Variants in CASZ1 observed in about 807,000 individuals in gnomAD.
The protein encoded by CASZ1 is castor zinc finger 1, also known as zinc finger protein castor homolog 1.
CASZ1 carries 28 observed loss-of-function variants against 135.2 expected under a neutral mutation model. The ratio of observed to expected loss-of-function variants is 0.21; its 90% CI spans 0.15 to 0.28. CASZ1 has a LOEUF of 0.28. Ranked by LOEUF, CASZ1 falls within the 10% of genes least tolerant of loss-of-function variation. The probability of loss-of-function intolerance (pLI) is 1.00; values close to 1 mark genes in which losing one functional copy is unlikely to be tolerated. For synonymous variants in CASZ1, 1,068 were observed against 1,073.4 expected (o/e 0.99, Z 0.10); for missense variants, 2,161 against 2,453.3 (o/e 0.88, Z 2.52).
rs1642661596 is a variant in CASZ1 at position 10,653,364 on chromosome 1, C to G, written c.2680+13G>C. 1 of 1,612,840 alleles carries G rather than the reference C, an allele frequency of 6.2e-7. No homozygotes were observed. Among genetic ancestry groups the G allele is most frequent in the Admixed American group, 1.7e-5 (1 of 59,996 alleles). On this transcript the variant is annotated intron_variant, in intron 11 of 20. Coordinates refer to ENST00000377022, the MANE Select transcript of CASZ1 (RefSeq NM_001079843.3). ...AAGGTGCCTGCTTTCTGGGCAGGAC[C>G]CAGCCTGCTCACCTGGGTCAAAGGT...
chr1:10,735,987 G>A lies in CASZ1; in HGVS notation c.-77+24714C>T, dbSNP rs1639790115. ...GCAGTTTGACCTCCTTAAGACAGGGGGAGAATGCAGAGCATTAAAGGCAGA... is the reference window on the plus strand; with the variant it reads ...GCAGTTTGACCTCCTTAAGACAGGGAGAGAATGCAGAGCATTAAAGGCAGA... On this transcript the variant is annotated intron_variant, in intron 2 of 20. Transcript: ENST00000377022. This position sits in a 1 kb window ranked among gnomAD's most constrained non-coding sequence, Gnocchi z 5.1. Among the ~76,000 whole-genome samples the A allele has an allele frequency of 6.6e-6, 1 of 152,182 alleles. No homozygotes were observed. Among genetic ancestry groups the A allele is most frequent in the African/African-American group, 2.4e-5 (1 of 41,442 alleles).
Position 10,776,096 on chromosome 1 carries a change from T to A in CASZ1, c.-233-15239A>T, listed in dbSNP as rs1383120599. ...CAGAGGCATAAATGAAAAGTCCAAT[T>A]TCTTCAAATTTGCATTGTAAAACCA... On this transcript the variant is annotated intron_variant, in intron 1 of 20. Transcript: ENST00000377022. The surrounding 1 kb of genome is among the most constrained non-coding windows in gnomAD (Gnocchi z 4.1). 6.6e-6 allele frequency among the ~76,000 whole-genome samples: 1 copy of A among 152,200 alleles called. No individual in the cohort carries two copies. The highest frequency in any genetic ancestry group is 6.5e-5 in the Admixed American group (1 of 15,286).
At chr1:10,737,938 C>A (rs1344186196) in intron 2 of CASZ1, among the ~76,000 whole-genome samples, 2 of 152,252 alleles carry the variant, frequency 1.3e-5, no homozygotes, top group Non-Finnish European at 2.9e-5. Flanking sequence ...ACAAGCTCAG[C>A]CCTGGTAGGG....
At position 10,697,593 on chromosome 1, in the gene CASZ1, C is replaced by T. The variant is rs1008141821; in HGVS notation, c.-23-3681G>A. Reference sequence around the variant, plus strand: ...ACTGCTATCGCTGGTTCCTGTTACCCCCCCCGCACCCCCAAGTTGCCCACC... The same window carrying T: ...ACTGCTATCGCTGGTTCCTGTTACCTCCCCCGCACCCCCAAGTTGCCCACC... On this transcript the variant is annotated intron_variant, in intron 3 of 20. Transcript: ENST00000377022. This position sits in a 1 kb window ranked among gnomAD's most constrained non-coding sequence, Gnocchi z 4.7. Among the ~76,000 whole-genome samples, 13 of 151,686 alleles carry T rather than the reference C, an allele frequency of 8.6e-5. No homozygotes were observed. Among genetic ancestry groups the T allele is most frequent in the East Asian group, 2.0e-4 (1 of 5,024 alleles).
intron 2 of CASZ1, among the ~76,000 whole-genome samples, chr1:10,716,530 A>C (rs1013166379): frequency 6.6e-6 from 1 of 152,360 alleles, no homozygotes; most frequent in South Asian, 2.1e-4. Flanking sequence ...GCTGCACTTG[A>C]GCCCCTGTGC....
chr1:10,699,954 A>G lies in CASZ1; in HGVS notation c.-24+5538T>C, dbSNP rs985404094. Among the ~76,000 whole-genome samples the G allele has an allele frequency of 1.1e-4, 16 of 152,100 alleles. No individual in the cohort carries two copies. The highest frequency in any genetic ancestry group is 3.9e-4 in the African/African-American group (16 of 41,404). On this transcript the variant is annotated intron_variant, in intron 3 of 20. Coordinates refer to ENST00000377022, the MANE Select transcript of CASZ1 (RefSeq NM_001079843.3). The surrounding 1 kb of genome is among the most constrained non-coding windows in gnomAD (Gnocchi z 4.6). ...GGAAGAAAAAGGTGAGAAGAAACAG[A>G]AGAGAAGCAGAGACAGAGAGAGAGA...
chr1:10,638,949 G>A lies in CASZ1; in HGVS notation c.5273C>T (p.Ser1758Leu). 2.0e-6 allele frequency: 2 copies of A among 980,664 alleles called. No homozygotes were observed. Among genetic ancestry groups the A allele is most frequent in the Non-Finnish European group, 2.4e-6 (2 of 828,242 alleles). The allele number at this position is 980,664 out of a possible 1,614,324, so 60.7% of individuals were successfully genotyped here. A position where few individuals can be genotyped will look rare whatever the true frequency, so the allele number is the denominator to read the frequency against. Residue 1758 changes from serine to leucine, a missense_variant, in exon 21 of 21, where the codon TCG becomes TTG. Around this residue, in one of 7 missense-constraint regions of CASZ1, gnomAD observed 185 missense variants for 134.7 expected, o/e 1.37. Transcript: ENST00000377022. This position sits in a 1 kb window ranked among gnomAD's most constrained non-coding sequence, Gnocchi z 5.9. ...APGPAPTAASSP is the reference protein window; with the variant it reads ...APGPAPTAASLP ...GGCCACCCGCGGGCGCCGCTAGGGCGAGGAGGCTGCAGTGGGCGCGGGGCC... is the reference window on the plus strand; with the variant it reads ...GGCCACCCGCGGGCGCCGCTAGGGCAAGGAGGCTGCAGTGGGCGCGGGGCC...
rs995287595 is a variant in CASZ1 at position 10,697,598 on chromosome 1, C to T, written c.-23-3686G>A. ...TATCGCTGGTTCCTGTTACCCCCCC[C>T]GCACCCCCAAGTTGCCCACCTACAC... On this transcript the variant is annotated intron_variant, in intron 3 of 20. Transcript: ENST00000377022. This position sits in a 1 kb window ranked among gnomAD's most constrained non-coding sequence, Gnocchi z 4.7. Among the ~76,000 whole-genome samples, 2 of 151,770 alleles carry T rather than the reference C, an allele frequency of 1.3e-5. No homozygotes were observed. Among genetic ancestry groups the T allele is most frequent in the Admixed American group, 6.5e-5 (1 of 15,274 alleles).
At chr1:10,696,365 C>T (rs1488549256) in intron 3 of CASZ1, among the ~76,000 whole-genome samples, 1 of 152,190 alleles carries the variant, frequency 6.6e-6, no homozygotes, top group East Asian at 1.9e-4. Flanking sequence ...CTGAGCTGCC[C>T]CTGGCCCCAA....
rs554673191 is a variant in CASZ1, at chr1:10,672,417, T to C, written c.17-6846A>G. ...TGGGGCCGAAAGCCTCGCTTAATTATGGCGGGTGTCCTTGGGACGGACAGT... is the reference window on the plus strand; with the variant it reads ...TGGGGCCGAAAGCCTCGCTTAATTACGGCGGGTGTCCTTGGGACGGACAGT... On this transcript the variant is annotated intron_variant, in intron 4 of 20. Coordinates refer to ENST00000377022, the MANE Select transcript of CASZ1 (RefSeq NM_001079843.3). Among the ~76,000 whole-genome samples the C allele has an allele frequency of 4.4e-4, 67 of 150,904 alleles. 3 individuals are homozygous for C. The South Asian group carries it at 0.014, about 31-fold the overall frequency.
rs747399735 is a variant in CASZ1, at chr1:10,739,867, G to A, written c.-77+20834C>T. Among the ~76,000 whole-genome samples, 10 of 152,170 alleles carry A rather than the reference G, an allele frequency of 6.6e-5. No individual in the cohort carries two copies. Among genetic ancestry groups the A allele is most frequent in the Middle Eastern group, 3.2e-3 (1 of 316 alleles). ...AGTTGAGGCTGAGACCTGGGAAGCC[G>A]CAAGGTGCTGGGATCCCAGACGAGT... On this transcript the variant is annotated intron_variant, in intron 2 of 20. Coordinates refer to ENST00000377022, the MANE Select transcript of CASZ1 (RefSeq NM_001079843.3). The surrounding 1 kb of genome is among the most constrained non-coding windows in gnomAD (Gnocchi z 4.8).
rs373925957 is a variant in CASZ1, at chr1:10,650,390, A to T, written c.2880+302T>A. On this transcript the variant is annotated intron_variant, in intron 13 of 20. Coordinates refer to ENST00000377022, the MANE Select transcript of CASZ1 (RefSeq NM_001079843.3). Reference sequence around the variant, plus strand: ...AAAAATATATATAAAATAAATAAATAAAATTAATAACGAGGCACGAACGAA... The same window carrying T: ...AAAAATATATATAAAATAAATAAATTAAATTAATAACGAGGCACGAACGAA... The T allele has an allele frequency of 9.5e-4, 177 of 185,934 alleles. 4 individuals carry two copies. In the South Asian group the frequency reaches 0.031, roughly 32 times the overall value. The allele number at this position is 185,934 out of a possible 1,614,324, so 11.5% of individuals were successfully genotyped here.
At chr1:10,662,123 A>G (rs1643055530) in intron 5 of CASZ1, among the ~76,000 whole-genome samples, 1 of 151,886 alleles carries the variant, frequency 6.6e-6, no homozygotes, top group Non-Finnish European at 1.5e-5. Flanking sequence ...CATACAACGC[A>G]CACATGCATT....
chr1:10,795,514 C>T (rs1195581920), intron 1 of CASZ1, among the ~76,000 whole-genome samples: 1 of 151,932 alleles, frequency 6.6e-6, no homozygotes, highest in Non-Finnish European at 1.5e-5. Context: ...ACCACTCTAC[C>T]AGCCCGCTAG....
At position 10,660,520 on chromosome 1, in the gene CASZ1, C is replaced by A; in HGVS notation, c.522G>T (p.Leu174=). The change falls in exon 6 of 21, where the codon CTG becomes CTT. Residue 174 remains leucine, a synonymous_variant. Transcript: ENST00000377022. ...TCATGGTGGAGGCCGCGTAGTCCCG[C>A]AGCGAGGAGGCCTCTCCTGCAGAGG... ...TRQASGEASS[L]RDYAASTMTE... The A allele has an allele frequency of 6.2e-7, 1 of 1,612,860 alleles. No individual in the cohort carries two copies. Among genetic ancestry groups the A allele is most frequent in the South Asian group, 1.1e-5 (1 of 90,968 alleles).
rs1267128885 is a variant in CASZ1, at chr1:10,755,380, G to A, written c.-77+5321C>T. 2.6e-5 allele frequency among the ~76,000 whole-genome samples: 4 copies of A among 152,162 alleles called. No individual in the cohort carries two copies. Among genetic ancestry groups the A allele is most frequent in the Non-Finnish European group, 4.4e-5 (3 of 68,018 alleles). On this transcript the variant is annotated intron_variant, in intron 2 of 20. Transcript: ENST00000377022. This position sits in a 1 kb window ranked among gnomAD's most constrained non-coding sequence, Gnocchi z 4.3. ...TCCTCCATGTGTGAGACCTGACGTC[G>A]CCTCTCCAATGCCAGCCTCTCTCAC... is the stretch of plus-strand genomic sequence containing the variant.
At chr1:10,684,443 G>C (rs935849607) in intron 4 of CASZ1, among the ~76,000 whole-genome samples, 7 of 152,152 alleles carry the variant, frequency 4.6e-5, no homozygotes, top group African/African-American at 1.7e-4. Context: ...TTTTGGTAGC[G>C]CAAGGGGGTT....
Position 10,709,794 on chromosome 1 carries a change from G to A in CASZ1, c.-76-4250C>T, listed in dbSNP as rs543957125. ...ATCCCATGGCATAACCAGGCAAAAC[G>A]GAAAGGTCAGAGGAAGCCCGGAACT... On this transcript the variant is annotated intron_variant, in intron 2 of 20. Transcript: ENST00000377022. This position sits in a 1 kb window ranked among gnomAD's most constrained non-coding sequence, Gnocchi z 5.1. Among the ~76,000 whole-genome samples the A allele has an allele frequency of 6.9e-4, 105 of 152,324 alleles. No homozygotes were observed. The highest frequency in any genetic ancestry group is 2.1e-3 in the African/African-American group (88 of 41,584).
At chr1:10,753,977 G>A (rs1266735762) in intron 2 of CASZ1, among the ~76,000 whole-genome samples, 4 of 151,972 alleles carry the variant, frequency 2.6e-5, no homozygotes, top group Admixed American at 2.0e-4. Flanking sequence ...TGACCCCCTC[G>A]ACTTCAGATG....
Sources: gnomAD v4.1 joint callset for allele counts (sites outside exome capture counted in the v4.1 genomes callset) on GRCh38, gnomAD v4.1.1 for gene constraint, gnomAD v4.1.1 regional missense constraint, Gnocchi (gnomAD v3.1) non-coding constraint, MANE v1.5 for transcripts, NCBI Gene and HGNC (gene_info 2026-07-23, HGNC 2026-07-21) for gene names.